The following SLC51A variants were observed in gnomAD, a reference collection of about 807,000 sequenced individuals.
SLC51A encodes the protein solute carrier family 51 member A, also known as organic solute transporter subunit alpha.
SLC51A carries 22 observed loss-of-function variants against 34.8 expected under a neutral mutation model. The observed-to-expected ratio is 0.63, with a 90% confidence interval of 0.45 to 0.90. The LOEUF is 0.90. Among genes scored for constraint, SLC51A ranks in the 40% least tolerant of loss-of-function variants. The pLI, the probability that SLC51A is intolerant of heterozygous loss-of-function variation, is 0.00. For missense variants in SLC51A, 371 were observed against 414.8 expected, an observed-to-expected ratio of 0.89 and a Z score of 0.92; for synonymous variants, 181 against 176.3, an observed-to-expected ratio of 1.03 and a Z score of -0.21.
intron 3 of SLC51A, chr3:196,227,322 C>T (rs1723922972): frequency 4.9e-6 from 3 of 613,406 alleles, no homozygotes; most frequent in East Asian, 2.8e-5. Flanking sequence ...CTAAGGGCTG[C>T]GGAGACAGCT....
chr3:196,226,341 T>A (rs1723893368), intron 2 of SLC51A, among the ~76,000 whole-genome samples: 1 of 151,548 alleles, frequency 6.6e-6, no homozygotes, highest in African/African-American at 2.4e-5. Flanking sequence ...AAAAAAGTTC[T>A]CTGCTAATGT....
rs753657895 is a variant in SLC51A, at chr3:196,227,182, T to C, written c.288+63T>C. The C allele has an allele frequency of 2.0e-5, 30 of 1,486,214 alleles. No homozygotes were observed. In the South Asian group the frequency reaches 3.1e-4, roughly 16 times the overall value. The allele number at this position is 1,486,214 out of a possible 1,614,324, so 92.1% of individuals were successfully genotyped here. A position where few individuals can be genotyped will look rare whatever the true frequency, so the allele number is the denominator to read the frequency against. ...AAGAAGGCAGAGACCAAGGTGAGAA[T>C]TCCTCTAAACTCAGCACGTCACTTC... On this transcript the variant is annotated intron_variant, in intron 3 of 8. Coordinates refer to ENST00000296327, the MANE Select transcript of SLC51A (RefSeq NM_152672.6).
intron 2 of SLC51A, among the ~76,000 whole-genome samples, chr3:196,223,651 T>C (rs995560697): frequency 4.6e-5 from 7 of 151,352 alleles, no homozygotes; most frequent in African/African-American, 1.7e-4. Context: ...CCTGCATTAA[T>C]GTTGGCTTTT....
At chr3:196,231,137 G>T (rs1724021249) in intron 7 of SLC51A, among the ~76,000 whole-genome samples, 1 of 152,086 alleles carries the variant, frequency 6.6e-6, no homozygotes, top group Admixed American at 6.5e-5. Context: ...CACAACCCCA[G>T]GAGTCATTTT....
chr3:196,221,840 C>G (rs1159612815), intron 2 of SLC51A, among the ~76,000 whole-genome samples: 2 of 151,848 alleles, frequency 1.3e-5, no homozygotes, highest in Non-Finnish European at 2.9e-5. Context: ...CTCAGCCTCC[C>G]GAGTAGCTGG....
Position 196,233,153 on chromosome 3 carries a change from A to G in SLC51A, c.977A>G (p.Tyr326Cys), listed in dbSNP as rs1165423378. The change falls in exon 9 of 9, where the codon TAT (tyrosine) becomes TGT (cysteine). Residue 326 changes from tyrosine to cysteine, a missense_variant. By Grantham distance (194) the Tyr-to-Cys change is radical (BLOSUM62 -2). Coordinates refer to ENST00000296327, the MANE Select transcript of SLC51A (RefSeq NM_152672.6). ...CGAAGGAAAGACCACAAGGTTGGGT[A>G]TGAAACTTTCTCTTCTCCAGACCTG... is the stretch of plus-strand genomic sequence containing the variant. ...YYRRKDHKVG[Y>C]ETFSSPDLDL... is the part of the protein sequence containing the mutation. 1.2e-6 allele frequency: 2 copies of G among 1,614,260 alleles called. No individual in the cohort carries two copies. Among genetic ancestry groups the G allele is most frequent in the Non-Finnish European group, 8.5e-7 (1 of 1,180,044 alleles).
At chr3:196,229,885 G>C in intron 6 of SLC51A, 30 bp from the exon 7 acceptor site, 1 of 1,570,850 alleles carries the variant, frequency 6.4e-7, no homozygotes, top group Non-Finnish European at 8.6e-7. Flanking sequence ...GAGCTTGCCT[G>C]CCTCACTGAC....
chr3:196,231,821 T>TCTC (rs1724035454), intron 7 of SLC51A, among the ~76,000 whole-genome samples: 1 of 152,144 alleles, frequency 6.6e-6, no homozygotes, highest in South Asian at 2.1e-4. Flanking sequence ...ATCTTCTTCT[T>TCTC]CTCCCCTTTT....
intron 3 of SLC51A, chr3:196,227,419 G>C: frequency 3.4e-6 from 2 of 593,238 alleles, no homozygotes; most frequent in East Asian, 2.8e-5. Flanking sequence ...TGGTTCCTCA[G>C]AGTGTGGGGG....
intron 7 of SLC51A, among the ~76,000 whole-genome samples, chr3:196,230,904 G>A (rs778557578): frequency 3.3e-5 from 5 of 152,278 alleles, no homozygotes; most frequent in East Asian, 3.9e-4. Flanking sequence ...CACGAGTACC[G>A]GGGGGCAGGA....
rs370423851 is a variant in SLC51A at position 196,217,927 on chromosome 3, C to T, written c.124C>T (p.Leu42Phe). ...CTCTCAGCCTCCCACAGCAGCCCAA[C>T]TCCTGAGAGGTGAGTGGGGACCCTC... ...CFSQPPTAAQLLRALGPVELA... is the reference protein window; with the variant it reads ...CFSQPPTAAQFLRALGPVELA... Residue 42 changes from leucine to phenylalanine, a missense_variant, in exon 2 of 9, where the codon CTC becomes TTC. Physicochemically the swap from Leu to Phe is conservative, Grantham distance 22 (BLOSUM62 0). Coordinates refer to ENST00000296327, the MANE Select transcript of SLC51A (RefSeq NM_152672.6). 1.0e-4 allele frequency: 169 copies of T among 1,612,456 alleles called. No homozygotes were observed. Among genetic ancestry groups the T allele is most frequent in the Non-Finnish European group, 1.4e-4 (164 of 1,179,328 alleles).
At chr3:196,229,793 C>A in intron 6 of SLC51A, 122 bp from the exon 7 acceptor site, 1 of 1,177,654 alleles carries the variant, frequency 8.5e-7, no homozygotes, top group Non-Finnish European at 1.2e-6. Context: ...TGTGATGCTG[C>A]AGTGAGCTAT....
intron 2 of SLC51A, among the ~76,000 whole-genome samples, chr3:196,219,988 G>A (rs1723703609): frequency 6.6e-6 from 1 of 152,270 alleles, no homozygotes; most frequent in African/African-American, 2.4e-5. Context: ...CTCGCCGCAG[G>A]CAGAGTGGGG....
intron 6 of SLC51A, among the ~76,000 whole-genome samples, 154 bp downstream of exon 6, chr3:196,229,074 G>A (rs1008852872): frequency 3.3e-5 from 5 of 152,084 alleles, no homozygotes; most frequent in East Asian, 1.9e-4. Flanking sequence ...GGAGAGAACC[G>A]CAATAGGCCA....
rs184664500 is a variant in SLC51A, at chr3:196,219,054, C to T, written c.133+1118C>T. ...CAGCCTGGCCAACATGGTGAAACCC[C>T]GTCTCTACTGAAAATACAAAAATTA... On this transcript the variant is annotated intron_variant, in intron 2 of 8. Coordinates refer to ENST00000296327, the MANE Select transcript of SLC51A (RefSeq NM_152672.6). Among the ~76,000 whole-genome samples the T allele has an allele frequency of 6.3e-4, 96 of 152,086 alleles. 2 individuals carry two copies. In the East Asian group the frequency reaches 0.012, roughly 19 times the overall value.
Position 196,216,683 on chromosome 3 carries a change from G to A in SLC51A, c.-30G>A, listed in dbSNP as rs377155433. 118 of 1,553,226 alleles carry A rather than the reference G, an allele frequency of 7.6e-5. No homozygotes were observed. The African/African-American group carries it at 1.5e-3, about 19-fold the overall frequency. On this transcript the variant is annotated 5_prime_UTR_variant, in exon 1 of 9. Coordinates refer to ENST00000296327, the MANE Select transcript of SLC51A (RefSeq NM_152672.6). The surrounding 1 kb of genome is among the most constrained non-coding windows in gnomAD (Gnocchi z 4.5). ...CCCGCCTGCCCTTCCTCACCCCGGT[G>A]CCTGCGGGATTGCTGGAGAGAACGC...
intron 2 of SLC51A, among the ~76,000 whole-genome samples, chr3:196,220,730 G>A (rs1484732860): frequency 6.6e-6 from 1 of 152,162 alleles, no homozygotes; most frequent in East Asian, 1.9e-4. Flanking sequence ...TTCAAAGAAA[G>A]AGCAGGCAAT....
At position 196,216,756 on chromosome 3, in the gene SLC51A, T is replaced by G. The variant is rs1336190045; in HGVS notation, c.38+6T>G. Reference sequence around the variant, plus strand: ...CAGATAAAGCTTGACCCCAGGTAAGTGAGGGCGGCGGGCCCTGGGCCAGTC... The same window carrying G: ...CAGATAAAGCTTGACCCCAGGTAAGGGAGGGCGGCGGGCCCTGGGCCAGTC... On this transcript the variant is annotated splice_donor_region_variant and intron_variant, in intron 1 of 8. Transcript: ENST00000296327. The surrounding 1 kb of genome is among the most constrained non-coding windows in gnomAD (Gnocchi z 4.5). 6.4e-7 allele frequency: 1 copy of G among 1,572,480 alleles called. No individual in the cohort carries two copies.
intron 3 of SLC51A, 67 bp from the exon 4 acceptor site, chr3:196,227,597 C>T (rs751156594): frequency 1.3e-5 from 19 of 1,447,638 alleles, no homozygotes; most frequent in South Asian, 9.1e-5. Context: ...GTGTCCTTGC[C>T]GCAAAAGGCT....
Sources: allele counts gnomAD v4.1 joint callset (sites outside exome capture counted in the v4.1 genomes callset), GRCh38; gene constraint gnomAD v4.1.1; non-coding constraint Gnocchi (gnomAD v3.1); transcripts MANE v1.5; gene names NCBI Gene and HGNC (gene_info 2026-07-23, HGNC 2026-07-21).